Variants in METAP1 observed in about 807,000 individuals in gnomAD.
METAP1 encodes methionyl aminopeptidase 1, also known as methionine aminopeptidase 1.
METAP1 carries 28 observed loss-of-function variants against 53.8 expected under a neutral mutation model. The observed-to-expected ratio is 0.52, with a 90% CI of 0.39 to 0.71. METAP1 has a LOEUF of 0.71. Among genes scored for constraint, METAP1 ranks in the 30% least tolerant of loss-of-function variants. The pLI is 0.00. For synonymous variants in METAP1, 181 were observed against 165.7 expected, an observed-to-expected ratio of 1.09 and a Z score of -0.71; for missense variants, 389 against 479.8, an observed-to-expected ratio of 0.81 and a Z score of 1.77.
chr4:99,046,955 A>AAAAG (rs1560730257), intron 8 of METAP1, among the ~76,000 whole-genome samples: 13 of 150,782 alleles, frequency 8.6e-5, no homozygotes, highest in African/African-American at 2.7e-4. Flanking sequence ...AAAAAAAAAA[A>AAAAG]AAAGAAAAAG....
At chr4:99,021,632 C>T (rs959752147) in intron 1 of METAP1, among the ~76,000 whole-genome samples, 2 of 152,038 alleles carry the variant, frequency 1.3e-5, no homozygotes, top group Non-Finnish European at 2.9e-5. Context: ...GAGAGCACAC[C>T]AAACAAAGGA....
Position 99,061,416 on chromosome 4 carries a change from TG to T in METAP1, c.*100del. The T allele has an allele frequency of 8.6e-7, 1 of 1,168,214 alleles. No individual in the cohort carries two copies. Among genetic ancestry groups the T allele is most frequent in the Admixed American group, 2.5e-5 (1 of 39,536 alleles). 72.4% of individuals were successfully genotyped at this position (1,168,214 alleles called of 1,614,324 possible). Reference sequence around the variant, plus strand: ...GGAACCTTTTTTTAATCACTTGTTTTGTTTTGACTATAGATAAGAAAGGACT... The same window carrying T: ...GGAACCTTTTTTTAATCACTTGTTTTTTTTGACTATAGATAAGAAAGGACT... On this transcript the variant is annotated 3_prime_UTR_variant, in exon 11 of 11. Coordinates refer to ENST00000296411, the MANE Select transcript of METAP1 (RefSeq NM_015143.3).
At chr4:99,048,920 A>G in intron 9 of METAP1, 44 bp downstream of exon 9, 3 of 1,582,022 alleles carry the variant, frequency 1.9e-6, no homozygotes, top group Non-Finnish European at 2.6e-6. Context: ...CCATTTATTC[A>G]ACAAATACTT....
intron 1 of METAP1, among the ~76,000 whole-genome samples, chr4:99,013,696 C>A (rs574907421): frequency 4.1e-4 from 63 of 151,988 alleles, no homozygotes; most frequent in Admixed American, 3.0e-3. Flanking sequence ...CTAAATAGGA[C>A]GAAGGGAAAA....
intron 1 of METAP1, among the ~76,000 whole-genome samples, chr4:99,020,163 A>G (rs1724007761): frequency 6.6e-6 from 1 of 152,134 alleles, no homozygotes; most frequent in African/African-American, 2.4e-5. Context: ...TGAAAAGAGG[A>G]TACCCAGGAT....
intron 1 of METAP1, among the ~76,000 whole-genome samples, chr4:99,008,495 T>G (rs1046524443): frequency 6.6e-6 from 1 of 152,212 alleles, no homozygotes; most frequent in Non-Finnish European, 1.5e-5. Flanking sequence ...CTATCATAAT[T>G]CTAGCATCCT....
intron 2 of METAP1, 63 bp downstream of exon 2, chr4:99,028,981 A>C: frequency 9.1e-7 from 1 of 1,093,436 alleles, no homozygotes; most frequent in Non-Finnish European, 1.3e-6. Context: ...CCAGAAAACA[A>C]GAATTCTTCT....
At chr4:99,002,811 A>T (rs1722984666) in intron 1 of METAP1, among the ~76,000 whole-genome samples, 1 of 152,196 alleles carries the variant, frequency 6.6e-6, no homozygotes, top group East Asian at 1.9e-4. Flanking sequence ...GCCGTGGCTT[A>T]TGCCTGTAAT....
At chr4:99,006,940 C>T (rs949156806) in intron 1 of METAP1, among the ~76,000 whole-genome samples, 2 of 151,598 alleles carry the variant, frequency 1.3e-5, no homozygotes, top group Non-Finnish European at 2.9e-5. Flanking sequence ...TCAAGCCCAA[C>T]TGCTGTTAGA....
At chr4:99,001,628 G>T (rs564230138) in intron 1 of METAP1, among the ~76,000 whole-genome samples, 3 of 152,254 alleles carry the variant, frequency 2.0e-5, no homozygotes, top group Admixed American at 6.5e-5. Flanking sequence ...ACTGTTATGG[G>T]TGTACTGTCA....
intron 8 of METAP1, among the ~76,000 whole-genome samples, chr4:99,046,423 A>G (rs1341996006): frequency 6.6e-6 from 1 of 152,170 alleles, no homozygotes; most frequent in East Asian, 1.9e-4. Context: ...AAAAAAAGAA[A>G]GGAAAGTTCT....
intron 5 of METAP1, 25 bp downstream of exon 5, chr4:99,039,490 G>A (rs1463634379): frequency 7.1e-7 from 1 of 1,404,522 alleles, no homozygotes; most frequent in Non-Finnish European, 1.0e-6. Context: ...TTCTCCATGG[G>A]GTAGGAAATG....
At chr4:98,997,111 CT>C (rs965036831) in intron 1 of METAP1, among the ~76,000 whole-genome samples, 6 of 152,070 alleles carry the variant, frequency 3.9e-5, no homozygotes, top group Non-Finnish European at 5.9e-5. Context: ...CGATTTAACT[CT>C]GCCATAAATA....
intron 1 of METAP1, chr4:98,997,270 A>T (rs1362732539): frequency 1.3e-5 from 2 of 152,722 alleles, no homozygotes; most frequent in African/African-American, 2.4e-5. Flanking sequence ...AAAAGGTCTT[A>T]GCTGTGTTAT....
intron 1 of METAP1, chr4:99,025,254 T>C (rs1007100145): frequency 1.9e-6 from 1 of 525,068 alleles, no homozygotes; most frequent in African/African-American, 2.1e-5. Context: ...TGAACAAGTT[T>C]GGCCTATGCC....
At chr4:99,014,512 G>A (rs188225330) in intron 1 of METAP1, among the ~76,000 whole-genome samples, 3 of 152,056 alleles carry the variant, frequency 2.0e-5, no homozygotes, top group Admixed American at 1.3e-4. Context: ...TTTGTTTATC[G>A]TGACCCACCA....
intron 8 of METAP1, among the ~76,000 whole-genome samples, chr4:99,047,737 T>C (rs1363790291): frequency 1.3e-5 from 2 of 152,194 alleles, no homozygotes; most frequent in African/African-American, 4.8e-5. Flanking sequence ...TGAGGTTCTC[T>C]AGGAGTCTGA....
At chr4:99,013,583 T>C (rs1365059991) in intron 1 of METAP1, among the ~76,000 whole-genome samples, 1 of 152,220 alleles carries the variant, frequency 6.6e-6, no homozygotes, top group Non-Finnish European at 1.5e-5. Context: ...TTATAACCTT[T>C]ACATCCTGAT....
chr4:99,015,831 GAGAT>G (rs1244825181), intron 1 of METAP1, among the ~76,000 whole-genome samples: 1 of 152,156 alleles, frequency 6.6e-6, no homozygotes, highest in African/African-American at 2.4e-5. Context: ...AATAAAATGA[GAGAT>G]AGTGAGAGGA....
Sources: gnomAD v4.1 joint callset for allele counts (sites outside exome capture counted in the v4.1 genomes callset) on GRCh38, gnomAD v4.1.1 for gene constraint, MANE v1.5 for transcripts, NCBI Gene and HGNC (gene_info 2026-07-23, HGNC 2026-07-21) for gene names.